The following HMCN1 variants were observed in gnomAD, a reference collection of about 807,000 sequenced individuals.
HMCN1 encodes the protein hemicentin 1.
A neutral mutation model predicts 625.9 loss-of-function variants in HMCN1; 321 were observed. The observed-to-expected ratio is 0.51, with a 90% CI of 0.47 to 0.56. The LOEUF is 0.56. Among genes scored for constraint, HMCN1 ranks in the 20% least tolerant of loss-of-function variants. The pLI is 0.00. For synonymous variants in HMCN1, 2,425 were observed against 2,417.6 expected (o/e 1.00, Z -0.09); for missense variants, 6,588 against 6,887.3 (o/e 0.96, Z 1.54).
At chr1:185,905,366 T>A (rs571334254) in intron 4 of HMCN1, among the ~76,000 whole-genome samples, 54 of 151,834 alleles carry the variant, frequency 3.6e-4, no homozygotes, top group Non-Finnish European at 6.8e-4. Flanking sequence ...AGCTATGGTG[T>A]CTGCCCTCAT....
Position 186,129,472 on chromosome 1 carries a change from A to G in HMCN1, c.12905-494A>G, listed in dbSNP as rs1182912752. On this transcript the variant is annotated intron_variant, in intron 83 of 106. Transcript: ENST00000271588. The stretch of plus-strand genomic sequence containing the variant: ...AGTTTAAATTATTACAAATTTGACT[A>G]TGTTGTTGTTATTACCTAAGTAGCA... Among the ~76,000 whole-genome samples the G allele has an allele frequency of 2.6e-5, 4 of 151,962 alleles. No individual in the cohort carries two copies. The South Asian group carries it at 8.3e-4, about 31-fold the overall frequency.
chr1:186,019,582 G>T lies in HMCN1; in HGVS notation c.5512G>T (p.Val1838Leu), dbSNP rs1469715341. Residue 1838 changes from valine to leucine, a missense_variant, in exon 35 of 107, where the codon GTG (valine) becomes TTG (leucine). Around this residue, in one of 3 missense-constraint regions of HMCN1, gnomAD observed 4,628 missense variants for 4,853.1 expected, o/e 0.95. Coordinates refer to ENST00000271588, the MANE Select transcript of HMCN1 (RefSeq NM_031935.3). ...GTCCTCAGGCCTTTCTGAGAGAGTT[G>T]TGGTAAAATACAAGCCTGTCGCCTT... ...IKSSGLSERV[V>L]VKYKPVALQC... 3.1e-6 allele frequency: 5 copies of T among 1,610,792 alleles called. No homozygotes were observed. The highest frequency in any genetic ancestry group is 1.7e-5 in the Admixed American group (1 of 59,892).
Position 186,007,274 on chromosome 1 carries a change from CTATCTA to C in HMCN1, c.4625_4630del (p.Tyr1543_Ile1544del). On this transcript the variant is annotated inframe_deletion and splice_region_variant, in exon 30 of 107. Transcript: ENST00000271588. Reference sequence around the variant, plus strand: ...AAACAAGCCAAGGATATAAAACTGACTATCTATAGTAAGTGCGATTGTCTTATGCTT... The same window carrying C: ...AAACAAGCCAAGGATATAAAACTGACTAGTAAGTGCGATTGTCTTATGCTT... The C allele has an allele frequency of 6.2e-7, 1 of 1,613,474 alleles. No homozygotes were observed.
intron 64 of HMCN1, among the ~76,000 whole-genome samples, chr1:186,091,499 C>T (rs1387497445): frequency 1.3e-5 from 2 of 151,980 alleles, no homozygotes; most frequent in Non-Finnish European, 2.9e-5. Context: ...CTGATTGGCT[C>T]ATTTTGAGAA....
At chr1:186,099,999 T>A (rs368288833) in intron 68 of HMCN1, among the ~76,000 whole-genome samples, 2 of 151,984 alleles carry the variant, frequency 1.3e-5, no homozygotes, top group African/African-American at 4.8e-5. Flanking sequence ...GAAAAATGAA[T>A]TGAAGAGGCT....
At chr1:185,989,826 CACTT>C (rs1395641029) in intron 21 of HMCN1, among the ~76,000 whole-genome samples, 179 bp downstream of exon 21, 1 of 146,176 alleles carries the variant, frequency 6.8e-6, no homozygotes, top group East Asian at 2.0e-4. Context: ...CAACCAAAAT[CACTT>C]CTACTTAGAT....
chr1:186,119,828 A>G lies in HMCN1; in HGVS notation c.12040A>G (p.Thr4014Ala). 6.2e-7 allele frequency: 1 copy of G among 1,614,118 alleles called. No individual in the cohort carries two copies. The highest frequency in any genetic ancestry group is 8.5e-7 in the Non-Finnish European group (1 of 1,179,990). Reference sequence around the variant, plus strand: ...TTTATTACCATGTGAAGCAACAGGGACACCCAGTCCTTTCATTACTTGGCA... The same window carrying G: ...TTTATTACCATGTGAAGCAACAGGGGCACCCAGTCCTTTCATTACTTGGCA... ...PILLPCEATG[T>A]PSPFITWQKE... Residue 4014 changes from threonine (T) to alanine (A), a missense_variant, in exon 79 of 107, where the codon ACA (threonine) becomes GCA (alanine). By Grantham distance (58) the Thr-to-Ala change is moderately conservative. Transcript: ENST00000271588.
At chr1:185,864,741 C>A in intron 3 of HMCN1, 113 bp downstream of exon 3, 2 of 938,144 alleles carry the variant, frequency 2.1e-6, no homozygotes, top group Admixed American at 2.0e-5. Flanking sequence ...ACTATCTATC[C>A]ACATGTATGT....
intron 84 of HMCN1, 76 bp from the exon 85 acceptor site, chr1:186,130,431 T>G: frequency 6.8e-7 from 1 of 1,460,934 alleles, no homozygotes; most frequent in Non-Finnish European, 9.6e-7. Context: ...AAATTATTTT[T>G]CCAAATAGGT....
chr1:186,003,642 AT>A (rs1653339978), intron 28 of HMCN1, 75 bp from the exon 29 acceptor site: 2 of 1,384,928 alleles, frequency 1.4e-6, no homozygotes, highest in African/African-American at 2.9e-5. Flanking sequence ...TATAGAAATC[AT>A]TGACTGCTTT....
At chr1:185,897,539 T>C (rs1465570714) in intron 4 of HMCN1, among the ~76,000 whole-genome samples, 8 of 152,206 alleles carry the variant, frequency 5.3e-5, no homozygotes, top group Non-Finnish European at 1.0e-4. Context: ...CTGATATGGC[T>C]TATTATATTG....
Position 185,987,420 on chromosome 1 carries a change from T to C in HMCN1, c.2936-12T>C, listed in dbSNP as rs753079641. ...CAGGTGCTCAGATTCCAAATCCTAC[T>C]TACCTTTTCAGTTCTGCCAACCATT... On this transcript the variant is annotated splice_polypyrimidine_tract_variant and intron_variant, in intron 19 of 106. Coordinates refer to ENST00000271588, the MANE Select transcript of HMCN1 (RefSeq NM_031935.3). 1 of 1,561,754 alleles carries C rather than the reference T, an allele frequency of 6.4e-7. No individual in the cohort carries two copies. The highest frequency in any genetic ancestry group is 1.1e-5 in the South Asian group (1 of 90,050).
chr1:185,779,134 T>C (rs1656856489), intron 1 of HMCN1, among the ~76,000 whole-genome samples: 1 of 152,260 alleles, frequency 6.6e-6, no homozygotes, highest in African/African-American at 2.4e-5. Context: ...GTTGGTTGCA[T>C]AAATGTCTTC....
intron 4 of HMCN1, among the ~76,000 whole-genome samples, chr1:185,908,132 T>G (rs1666200067): frequency 6.6e-6 from 1 of 152,090 alleles, no homozygotes; most frequent in East Asian, 1.9e-4. Flanking sequence ...AAAACCATCT[T>G]GAACAAAAAC....
At chr1:186,166,375 G>T in intron 99 of HMCN1, 72 bp downstream of exon 99, 1 of 1,575,372 alleles carries the variant, frequency 6.3e-7, no homozygotes, top group South Asian at 1.1e-5. Context: ...AAGTATGATA[G>T]ACCCATTATC....
rs140218526 is a variant in HMCN1 at position 185,872,259 on chromosome 1, T to C, written c.621+6396T>C. Among the ~76,000 whole-genome samples the C allele has an allele frequency of 1.1e-4, 16 of 152,088 alleles. No individual in the cohort carries two copies. The East Asian group carries it at 3.1e-3, about 30-fold the overall frequency. ...TTTCAATGGAATGCTTTCTTTCTCT[T>C]TTTTTTTGTGCTAAGATTGACATGT... On this transcript the variant is annotated intron_variant, in intron 4 of 106. Coordinates refer to ENST00000271588, the MANE Select transcript of HMCN1 (RefSeq NM_031935.3).
At chr1:186,102,914 A>G (rs1206036524) in intron 68 of HMCN1, among the ~76,000 whole-genome samples, 1 of 152,184 alleles carries the variant, frequency 6.6e-6, no homozygotes, top group Non-Finnish European at 1.5e-5. Flanking sequence ...TAGAAGTATA[A>G]GTAACAAAAG....
intron 1 of HMCN1, among the ~76,000 whole-genome samples, chr1:185,774,300 G>C (rs972605439): frequency 6.6e-6 from 1 of 152,138 alleles, no homozygotes; most frequent in African/African-American, 2.4e-5. Context: ...GATGTGAAGG[G>C]CTGCATTTAA....
At chr1:185,812,501 G>A (rs555002486) in intron 1 of HMCN1, among the ~76,000 whole-genome samples, 28 of 152,082 alleles carry the variant, frequency 1.8e-4, no homozygotes, top group African/African-American at 6.8e-4. Flanking sequence ...TCTGGTTATC[G>A]ATTCATTATA....
Sources: allele counts gnomAD v4.1 joint callset (sites outside exome capture counted in the v4.1 genomes callset), GRCh38; gene constraint gnomAD v4.1.1; regional missense constraint gnomAD v4.1.1; transcripts MANE v1.5; gene names NCBI Gene and HGNC (gene_info 2026-07-23, HGNC 2026-07-21).